VPS8: variants seen among roughly 807,000 people sequenced by gnomAD.
The protein encoded by VPS8 is vacuolar protein sorting-associated protein 8 homolog.
In VPS8, 129 loss-of-function variants were observed where a neutral mutation model predicts 216.4. The ratio of observed to expected loss-of-function variants is 0.60; its 90% CI spans 0.52 to 0.69. VPS8 has a LOEUF of 0.69. VPS8 is among the 30% of genes least tolerant of loss of function. The pLI is 0.00. For synonymous variants in VPS8, 571 were observed against 565.4 expected (o/e 1.01, Z -0.14); for missense variants, 1,531 against 1,683.5 (o/e 0.91, Z 1.59).
chr3:185,034,611 TG>T (rs1315369492), intron 46 of VPS8, among the ~76,000 whole-genome samples: 5,980 of 95,140 alleles, frequency 0.063, 207 homozygotes, highest in African/African-American at 0.24. Flanking sequence ...TTGATAGTTT[TG>T]TTGTTGTTGT....
At chr3:184,901,033 T>C (rs966670270) in intron 25 of VPS8, 61 bp downstream of exon 25, 16 of 1,500,906 alleles carry the variant, frequency 1.1e-5, no homozygotes, top group Admixed American at 1.9e-5. Flanking sequence ...ATTTAAATGT[T>C]ACAAAATTGG....
In VPS8 at chr3:184,948,564, G is replaced by A. The variant is rs921142417; in HGVS notation, c.3035+8321G>A. ...TCTTCAGGGCAGGAAGTCAAGCCAC[G>A]GACTTTACCAGTAGTAAATCAGTGG... On this transcript the variant is annotated intron_variant, in intron 36 of 47. Transcript: ENST00000625842. Among the ~76,000 whole-genome samples the A allele has an allele frequency of 4.6e-5, 7 of 152,090 alleles. No individual in the cohort carries two copies. In the South Asian group the frequency reaches 1.0e-3, roughly 23 times the overall value.
At position 184,993,982 on chromosome 3, in the gene VPS8, G is replaced by C; in HGVS notation, c.3586-1G>C. ...ACAGAATTGTAATTTTTTCCGATTA[G>C]GATCCAGTTTATGGAAAAGGAAAAC... On this transcript the variant is annotated splice_acceptor_variant, in intron 42 of 47. Transcript: ENST00000625842. LOFTEE classifies it high-confidence loss of function. The C allele has an allele frequency of 6.5e-7, 1 of 1,548,478 alleles. No individual in the cohort carries two copies. The highest frequency in any genetic ancestry group is 8.7e-7 in the Non-Finnish European group (1 of 1,148,758).
Position 184,843,253 on chromosome 3 carries a change from A to C in VPS8, c.541+8A>C, listed in dbSNP as rs1160054878. 7.1e-7 allele frequency: 1 copy of C among 1,403,890 alleles called. No individual in the cohort carries two copies. The highest frequency in any genetic ancestry group is 1.4e-5 in the African/African-American group (1 of 69,706). The allele number at this position is 1,403,890 out of a possible 1,614,324, so 87.0% of individuals were successfully genotyped here. The stretch of plus-strand genomic sequence containing the variant: ...TGGATTCAAAAGGAAAAGGTATAGT[A>C]AGTAATTTTAGTTTGCATGAATGGT... On this transcript the variant is annotated splice_region_variant and intron_variant, in intron 8 of 47. Coordinates refer to ENST00000625842, the MANE Select transcript of VPS8 (RefSeq NM_001009921.3).
chr3:185,045,178 A>T (rs6780272), intron 46 of VPS8, among the ~76,000 whole-genome samples: 1 of 151,508 alleles, frequency 6.6e-6, no homozygotes, highest in Non-Finnish European at 1.5e-5. Flanking sequence ...CACCAGTGTC[A>T]ATACAAAGTG....
At chr3:184,932,056 A>G (rs1740784796) in intron 34 of VPS8, among the ~76,000 whole-genome samples, 1 of 152,126 alleles carries the variant, frequency 6.6e-6, no homozygotes, top group African/African-American at 2.4e-5. Context: ...TTTTTCCCAC[A>G]TCTGCATATT....
In VPS8 at chr3:184,961,971, A is replaced by G. The variant is rs367776434; in HGVS notation, c.3184-2497A>G. The stretch of plus-strand genomic sequence containing the variant: ...GAGATGGGGTTTCACCATGTTGCCC[A>G]GGCTGGTCTTGAACTGCTGACCTCA... On this transcript the variant is annotated intron_variant, in intron 37 of 47. Transcript: ENST00000625842. 3.8e-3 allele frequency among the ~76,000 whole-genome samples: 579 copies of G among 152,302 alleles called. 3 individuals carry two copies. Among genetic ancestry groups the G allele is most frequent in the African/African-American group, 0.013 (555 of 41,546 alleles).
intron 40 of VPS8, among the ~76,000 whole-genome samples, chr3:184,972,916 A>G (rs1236798509): frequency 6.6e-6 from 1 of 152,234 alleles, no homozygotes; most frequent in Non-Finnish European, 1.5e-5. Flanking sequence ...TGAAATGGGG[A>G]ACAGGTTAAT....
At chr3:184,893,079 AG>A (rs922245320) in intron 22 of VPS8, among the ~76,000 whole-genome samples, 2 of 152,214 alleles carry the variant, frequency 1.3e-5, no homozygotes, top group African/African-American at 4.8e-5. Context: ...TATGAAATGG[AG>A]GGGAAAAATG....
intron 24 of VPS8, among the ~76,000 whole-genome samples, chr3:184,899,218 A>G (rs1380176692): frequency 6.6e-5 from 10 of 152,254 alleles, no homozygotes; most frequent in Non-Finnish European, 8.8e-5. Flanking sequence ...ACCAAACCCC[A>G]TATCTGTTTT....
Position 184,834,635 on chromosome 3 carries a change from T to C in VPS8, c.354-14T>C. 1 of 933,482 alleles carries C rather than the reference T, an allele frequency of 1.1e-6. No homozygotes were observed. The highest frequency in any genetic ancestry group is 1.4e-6 in the Non-Finnish European group (1 of 693,914). 57.8% of individuals were successfully genotyped at this position (933,482 alleles called of 1,614,324 possible). A position where few individuals can be genotyped will look rare whatever the true frequency, so the allele number is the denominator to read the frequency against. On this transcript the variant is annotated splice_polypyrimidine_tract_variant and intron_variant, in intron 4 of 47. Transcript: ENST00000625842. Reference sequence around the variant, plus strand: ...TTTTATCTGTTTTTAAATGTTTTTCTTTTTTTTTTTCAGGAAGAAGAAATT... The same window carrying C: ...TTTTATCTGTTTTTAAATGTTTTTCCTTTTTTTTTTCAGGAAGAAGAAATT...
intron 45 of VPS8, among the ~76,000 whole-genome samples, chr3:185,006,126 A>G (rs576337859): frequency 1.4e-4 from 22 of 152,368 alleles, no homozygotes; most frequent in African/African-American, 4.8e-4. Context: ...TTGTAATTGT[A>G]TGGAAGACAG....
At chr3:184,891,424 A>G (rs764842612) in intron 22 of VPS8, among the ~76,000 whole-genome samples, 16 of 152,326 alleles carry the variant, frequency 1.1e-4, no homozygotes, top group Non-Finnish European at 2.1e-4. Flanking sequence ...GTAATTGCAA[A>G]TTTCATCATT....
At chr3:184,926,447 A>G in intron 30 of VPS8, 147 bp from the exon 31 acceptor site, 1 of 650,628 alleles carries the variant, frequency 1.5e-6, no homozygotes, top group Non-Finnish European at 2.6e-6. Flanking sequence ...TGGGTTAATC[A>G]GTTGGGAAGG....
At chr3:184,839,548 C>A in intron 6 of VPS8, 150 bp from the exon 7 acceptor site, 1 of 676,874 alleles carries the variant, frequency 1.5e-6, no homozygotes, top group Non-Finnish European at 2.4e-6. Context: ...TTTCATTTCC[C>A]GTTTTGCCTC....
chr3:184,860,346 T>TA (rs11478298), intron 15 of VPS8, among the ~76,000 whole-genome samples: 30 of 146,392 alleles, frequency 2.0e-4, no homozygotes, highest in Admixed American at 2.7e-4. Context: ...CCCTGTCTCT[T>TA]AAAAAAAAAA....
At chr3:184,826,451 G>A (rs1274519779) in intron 3 of VPS8, among the ~76,000 whole-genome samples, 1 of 152,206 alleles carries the variant, frequency 6.6e-6, no homozygotes, top group Non-Finnish European at 1.5e-5. Flanking sequence ...CGTGTGGCTA[G>A]TGGCTACTAT....
At chr3:184,956,500 C>T (rs896949645) in intron 36 of VPS8, among the ~76,000 whole-genome samples, 6 of 152,118 alleles carry the variant, frequency 3.9e-5, no homozygotes, top group South Asian at 4.2e-4. Flanking sequence ...TCTTATTAAC[C>T]GTATTCCAGT....
chr3:184,900,167 A>G (rs1280787826), intron 24 of VPS8, among the ~76,000 whole-genome samples: 2 of 152,174 alleles, frequency 1.3e-5, no homozygotes, highest in Non-Finnish European at 2.9e-5. Flanking sequence ...TTCTTTACCA[A>G]TTTAGGTCCC....
Sources: allele counts gnomAD v4.1 joint callset (sites outside exome capture counted in the v4.1 genomes callset), GRCh38; gene constraint gnomAD v4.1.1; transcripts MANE v1.5; gene names NCBI Gene and HGNC (gene_info 2026-07-23, HGNC 2026-07-21).